NIPBL: variants seen among roughly 807,000 people sequenced by gnomAD.
The protein encoded by NIPBL is NIPBL cohesin loading factor.
In NIPBL, 19 loss-of-function variants were observed where a neutral mutation model predicts 321.8. That is an observed-to-expected ratio of 0.06 (90% CI 0.04 to 0.09). The LOEUF (loss-of-function observed/expected upper bound fraction) is 0.09, where lower values mean the gene tolerates loss of function less well. Ranked by LOEUF, NIPBL falls within the 10% of genes least tolerant of loss-of-function variation. The pLI is 1.00. For missense variants in NIPBL, 2,210 were observed against 3,327.0 expected, an observed-to-expected ratio of 0.66 and a Z score of 8.26; for synonymous variants, 1,106 against 1,114.1, an observed-to-expected ratio of 0.99 and a Z score of 0.14.
In NIPBL at chr5:36,995,703, G is replaced by T; in HGVS notation, c.3203G>T (p.Arg1068Leu). 2.5e-6 allele frequency: 4 copies of T among 1,613,596 alleles called. No individual in the cohort carries two copies. Among genetic ancestry groups the T allele is most frequent in the Non-Finnish European group, 3.4e-6 (4 of 1,179,736 alleles). ...EIESTMPLCERVKMNKRKRST... is the reference protein window; with the variant it reads ...EIESTMPLCELVKMNKRKRST... Reference sequence around the variant, plus strand: ...GAGTCCACCATGCCACTTTGTGAACGTGTGAAAATGAACAAACGCAAGCGT... The same window carrying T: ...GAGTCCACCATGCCACTTTGTGAACTTGTGAAAATGAACAAACGCAAGCGT... Residue 1068 changes from arginine to leucine, a missense_variant, in exon 11 of 47, where the codon CGT becomes CTT. Coordinates refer to ENST00000282516, the MANE Select transcript of NIPBL (RefSeq NM_133433.4).
chr5:37,017,219 G>A, intron 24 of NIPBL, 57 bp downstream of exon 24: 1 of 1,476,804 alleles, frequency 6.8e-7, no homozygotes, highest in Non-Finnish European at 9.4e-7. Context: ...TTCTTTGCAT[G>A]TCCTTACATT....
chr5:36,944,775 C>T (rs1739477805), intron 1 of NIPBL, among the ~76,000 whole-genome samples: 1 of 151,938 alleles, frequency 6.6e-6, no homozygotes, highest in Non-Finnish European at 1.5e-5. Context: ...AATTTTCTCA[C>T]TTATTTACAT....
chr5:37,011,538 G>C (rs949146742), intron 21 of NIPBL, among the ~76,000 whole-genome samples: 1 of 152,152 alleles, frequency 6.6e-6, no homozygotes, highest in Non-Finnish European at 1.5e-5. Flanking sequence ...CTGGATGACA[G>C]AATGAGAACC....
chr5:36,885,562 AC>A, intron 1 of NIPBL: 1 of 529,816 alleles, frequency 1.9e-6, no homozygotes. Context: ...AGAAGAAGGG[AC>A]CCCAGGTCAG....
Position 36,975,878 on chromosome 5 carries a change from A to T in NIPBL, c.971A>T (p.Lys324Met), listed in dbSNP as rs1235334324. ...ILLDSPERKQ[K>M]KQKKMKLGKD... Reference sequence around the variant, plus strand: ...CTAGATTCTCCAGAAAGAAAACAAAAGAAGCAGAAGAAAATGAAATTAGGC... The same window carrying T: ...CTAGATTCTCCAGAAAGAAAACAAATGAAGCAGAAGAAAATGAAATTAGGC... Residue 324 changes from lysine (K) to methionine (M), a missense_variant, in exon 9 of 47, where the codon AAG (lysine) becomes ATG (methionine). Physicochemically the swap from Lys to Met is moderately conservative, Grantham distance 95. Around this residue, in one of 14 missense-constraint regions of NIPBL, gnomAD observed 464 missense variants for 529.5 expected, o/e 0.88. Transcript: ENST00000282516. The T allele has an allele frequency of 2.5e-6, 4 of 1,611,856 alleles. No homozygotes were observed. The Admixed American group carries it at 6.7e-5, about 27-fold the overall frequency.
At chr5:36,936,510 A>T (rs561006742) in intron 1 of NIPBL, among the ~76,000 whole-genome samples, 37 of 152,266 alleles carry the variant, frequency 2.4e-4, no homozygotes, top group African/African-American at 8.9e-4. Flanking sequence ...TTGTGTAGGT[A>T]CATTCTGTTA....
At chr5:36,898,205 G>A (rs921873537) in intron 1 of NIPBL, among the ~76,000 whole-genome samples, 3 of 152,138 alleles carry the variant, frequency 2.0e-5, no homozygotes, top group East Asian at 1.9e-4. Context: ...TTGAAAGTAT[G>A]CTTCATATAC....
intron 19 of NIPBL, among the ~76,000 whole-genome samples, 179 bp downstream of exon 19, chr5:37,008,267 T>C (rs781006797): frequency 3.4e-4 from 51 of 152,146 alleles, no homozygotes; most frequent in Non-Finnish European, 5.9e-4. Context: ...TTTTTCTGTT[T>C]GGTTAATTTG....
intron 1 of NIPBL, among the ~76,000 whole-genome samples, chr5:36,951,881 T>TAA (rs1310571848): frequency 1.3e-5 from 2 of 151,964 alleles, no homozygotes; most frequent in African/African-American, 2.4e-5. Flanking sequence ...AATGTACATA[T>TAA]AAAGGTCTTT....
At chr5:37,057,433 T>A in intron 43 of NIPBL, 101 bp downstream of exon 43, 1 of 1,186,720 alleles carries the variant, frequency 8.4e-7, no homozygotes, top group Non-Finnish European at 1.2e-6. Flanking sequence ...TCTTCACGAG[T>A]ATATAAAATC....
chr5:37,014,729 G>A lies in NIPBL; in HGVS notation c.4607G>A (p.Arg1536Gln). ...VITNSYETAM[R>Q]TAQNFLSIFL... Reference sequence around the variant, plus strand: ...ACTAACTCTTATGAAACAGCTATGCGAACAGCCCAAAACTTCCTCTCCATC... The same window carrying A: ...ACTAACTCTTATGAAACAGCTATGCAAACAGCCCAAAACTTCCTCTCCATC... Residue 1536 changes from arginine to glutamine, a missense_variant, in exon 22 of 47, where the codon CGA (arginine) becomes CAA (glutamine). Transcript: ENST00000282516. 1 of 1,609,954 alleles carries A rather than the reference G, an allele frequency of 6.2e-7. No homozygotes were observed. The highest frequency in any genetic ancestry group is 8.5e-7 in the Non-Finnish European group (1 of 1,176,574).
intron 1 of NIPBL, among the ~76,000 whole-genome samples, chr5:36,922,846 T>G (rs1469989227): frequency 6.6e-6 from 1 of 152,156 alleles, no homozygotes; most frequent in African/African-American, 2.4e-5. Context: ...TTACCTTACC[T>G]TTGATAAAGG....
At position 36,985,261 on chromosome 5, in the gene NIPBL, A is replaced by G. The variant is rs144812404; in HGVS notation, c.2081A>G (p.Glu694Gly). ...AACAAACAAAATAATGGCAGATCAG[A>G]AACAACAAAATCAAGGCCTGAAACC... is the stretch of plus-strand genomic sequence containing the variant. ...NDNKQNNGRSETTKSRPETPK... is the reference protein window; with the variant it reads ...NDNKQNNGRSGTTKSRPETPK... The change falls in exon 10 of 47, where the codon GAA becomes GGA. Residue 694 changes from glutamate to glycine, a missense_variant. By Grantham distance (98) the Glu-to-Gly change is moderately conservative. This residue lies in a region of NIPBL where 588 missense variants were observed against 564.1 expected (regional missense o/e 1.04). Transcript: ENST00000282516. 1.2e-5 allele frequency: 19 copies of G among 1,613,690 alleles called. No individual in the cohort carries two copies. Among genetic ancestry groups the G allele is most frequent in the Middle Eastern group, 3.3e-4 (2 of 6,084 alleles).
chr5:36,927,719 G>A (rs546651278), intron 1 of NIPBL, among the ~76,000 whole-genome samples: 9 of 152,152 alleles, frequency 5.9e-5, no homozygotes, highest in Non-Finnish European at 1.0e-4. Context: ...AGTTTGAGAT[G>A]GTTGTTAGAC....
At chr5:37,061,122 A>G in intron 45 of NIPBL, 104 bp downstream of exon 45, 2 of 806,954 alleles carry the variant, frequency 2.5e-6, no homozygotes. Context: ...ATTGAATATA[A>G]GCTTCATGAA....
At chr5:36,882,185 T>C (rs1246549709) in intron 1 of NIPBL, among the ~76,000 whole-genome samples, 8 of 151,956 alleles carry the variant, frequency 5.3e-5, no homozygotes, top group Admixed American at 5.2e-4. Flanking sequence ...CTTTTTCTCA[T>C]CTTTATGACA....
chr5:36,976,383 A>G lies in NIPBL; in HGVS notation c.1476A>G (p.Ser492=), dbSNP rs1415725064. 2 of 1,607,990 alleles carry G rather than the reference A, an allele frequency of 1.2e-6. No homozygotes were observed. Among genetic ancestry groups the G allele is most frequent in the Admixed American group, 3.3e-5 (2 of 59,974 alleles). The change falls in exon 9 of 47, where the codon TCA becomes TCG. Residue 492 remains serine, a synonymous_variant. Coordinates refer to ENST00000282516, the MANE Select transcript of NIPBL (RefSeq NM_133433.4). ...CAGCTATTGAAAGGGAGCGCTTCTC[A>G]AAAGAAGTTCAAGATAAAGGTAAAA... ...RESAIERERF[S]KEVQDKDKPL...
intron 1 of NIPBL, among the ~76,000 whole-genome samples, chr5:36,915,557 T>C (rs1245196627): frequency 5.9e-5 from 9 of 152,150 alleles, no homozygotes. Flanking sequence ...CTCAAAATCA[T>C]ACTCTTATGA....
chr5:36,895,464 T>C (rs751198113), intron 1 of NIPBL, among the ~76,000 whole-genome samples: 4 of 152,224 alleles, frequency 2.6e-5, no homozygotes, highest in African/African-American at 4.8e-5. Context: ...ATGTTTTTAC[T>C]TCTCCTGAGT....
Sources: gnomAD v4.1 joint callset for allele counts (sites outside exome capture counted in the v4.1 genomes callset) on GRCh38, gnomAD v4.1.1 for gene constraint, gnomAD v4.1.1 regional missense constraint, MANE v1.5 for transcripts, NCBI Gene and HGNC (gene_info 2026-07-23, HGNC 2026-07-21) for gene names.